Variants in COL9A1 observed in about 807,000 individuals in gnomAD.
COL9A1 encodes collagen alpha-1(IX) chain.
A neutral mutation model predicts 142.6 loss-of-function variants in COL9A1; 104 were observed. The observed-to-expected ratio is 0.73, with a 90% CI of 0.62 to 0.86. COL9A1 has a LOEUF of 0.86. Among genes scored for constraint, COL9A1 ranks in the 40% least tolerant of loss-of-function variants. The pLI, the probability that COL9A1 is intolerant of heterozygous loss-of-function variation, is 0.00. For missense variants in COL9A1, 1,210 were observed against 1,176.6 expected (o/e 1.03, Z -0.42); for synonymous variants, 466 against 396.0 (o/e 1.18, Z -2.10).
At chr6:70,241,542 C>G (rs1770260243) in intron 30 of COL9A1, 88 bp from the exon 31 acceptor site, 9 of 1,076,038 alleles carry the variant, frequency 8.4e-6, no homozygotes, top group African/African-American at 1.6e-5. Context: ...TGGATAAGCA[C>G]AAGTACGGAT....
chr6:70,297,805 T>C (rs116854269), intron 4 of COL9A1, among the ~76,000 whole-genome samples: 397 of 152,146 alleles, frequency 2.6e-3, no homozygotes, highest in Non-Finnish European at 4.1e-3. Flanking sequence ...CGTTTGTTAG[T>C]GGGAGTTGAG....
chr6:70,296,837 A>G (rs1459641870), intron 4 of COL9A1, among the ~76,000 whole-genome samples: 1 of 152,074 alleles, frequency 6.6e-6, no homozygotes, highest in Non-Finnish European at 1.5e-5. Flanking sequence ...TAAATAATTT[A>G]TTTTATTTTT....
intron 37 of COL9A1, among the ~76,000 whole-genome samples, chr6:70,219,948 A>C (rs1364303352): frequency 2.0e-5 from 3 of 152,210 alleles, no homozygotes; most frequent in Non-Finnish European, 4.4e-5. Context: ...GTTCCCCATC[A>C]ACACACTTCA....
At chr6:70,264,629 G>T (rs1269850872) in intron 18 of COL9A1, among the ~76,000 whole-genome samples, 1 of 151,738 alleles carries the variant, frequency 6.6e-6, no homozygotes, top group Non-Finnish European at 1.5e-5. Context: ...CAAGGTACAG[G>T]GTATTTTCCA....
chr6:70,216,845 G>A lies in COL9A1; in HGVS notation c.*52C>T, dbSNP rs1221606818. The A allele has an allele frequency of 6.3e-7, 1 of 1,596,208 alleles. No homozygotes were observed. Among genetic ancestry groups the A allele is most frequent in the Non-Finnish European group, 8.6e-7 (1 of 1,165,512 alleles). On this transcript the variant is annotated 3_prime_UTR_variant, in exon 38 of 38. Coordinates refer to ENST00000357250, the MANE Select transcript of COL9A1 (RefSeq NM_001851.6). ...AGCTTTGGATGGTGTTTCTCACCCA[G>A]GCTCCTTCACCAGGCGTGGTTCATG... is the stretch of plus-strand genomic sequence containing the variant.
At chr6:70,220,376 A>G (rs28694097) in intron 37 of COL9A1, among the ~76,000 whole-genome samples, 16,379 of 130,314 alleles carry the variant, frequency 0.13, 1,464 homozygotes, top group African/African-American at 0.28. Context: ...AAGGGTGTGG[A>G]GGGGTGTGGC....
At chr6:70,280,918 G>T in intron 9 of COL9A1, 44 bp from the exon 10 acceptor site, 1 of 1,613,102 alleles carries the variant, frequency 6.2e-7, no homozygotes, top group South Asian at 1.1e-5. Context: ...AGAAAAAGGT[G>T]CAAAGTTGAG....
intron 17 of COL9A1, among the ~76,000 whole-genome samples, chr6:70,267,327 G>GGTTTTTTT (rs757813161): frequency 7.9e-6 from 1 of 127,060 alleles, no homozygotes; most frequent in African/African-American, 3.0e-5. Context: ...TGGTTTTTTT[G>GGTTTTTTT]TTTTTTTTTT....
chr6:70,229,582 A>G (rs945079059), intron 36 of COL9A1, among the ~76,000 whole-genome samples: 1 of 152,178 alleles, frequency 6.6e-6, no homozygotes, highest in Non-Finnish European at 1.5e-5. Flanking sequence ...TCAAACCTTC[A>G]TTTACATATT....
At chr6:70,283,526 T>C (rs540481115) in intron 6 of COL9A1, among the ~76,000 whole-genome samples, 1 of 152,186 alleles carries the variant, frequency 6.6e-6, no homozygotes, top group Non-Finnish European at 1.5e-5. Context: ...GGTTTCTACC[T>C]GCCAGGCTGC....
In COL9A1 at chr6:70,254,517, T is replaced by C. The variant is rs1425321862; in HGVS notation, c.1678A>G (p.Lys560Glu). The C allele has an allele frequency of 1.2e-6, 2 of 1,614,004 alleles. No individual in the cohort carries two copies. Among genetic ancestry groups the C allele is most frequent in the East Asian group, 4.5e-5 (2 of 44,878 alleles). ...GMPGTKGEPG[K>E]PGPPGDAGLQ... ...CCTGCATCACCAGGAGGCCCAGGTTTTCCTGGTTCACCCTGCAAAAAAAGC... is the reference window on the plus strand; with the variant it reads ...CCTGCATCACCAGGAGGCCCAGGTTCTCCTGGTTCACCCTGCAAAAAAAGC... Residue 560 changes from lysine to glutamate, a missense_variant, in exon 25 of 38, where the codon AAA becomes GAA. Lys to Glu is a moderately conservative substitution (Grantham distance 56). Transcript: ENST00000357250.
At chr6:70,245,381 C>T (rs895421532) in intron 28 of COL9A1, among the ~76,000 whole-genome samples, 3 of 152,132 alleles carry the variant, frequency 2.0e-5, no homozygotes, top group South Asian at 2.1e-4. Flanking sequence ...TGAAGGTCAT[C>T]GCCAAGGTCT....
In COL9A1 at chr6:70,283,748, C is replaced by A; in HGVS notation, c.769G>T (p.Ala257Ser). 3 of 1,611,394 alleles carry A rather than the reference C, an allele frequency of 1.9e-6. No individual in the cohort carries two copies. Among genetic ancestry groups the A allele is most frequent in the Non-Finnish European group, 2.5e-6 (3 of 1,178,906 alleles). Residue 257 changes from alanine (A) to serine (S), a missense_variant, in exon 6 of 38, where the codon GCC (alanine) becomes TCC (serine). Transcript: ENST00000357250. ...GTCAGGGGACTCACCGTTATTCTGGCTGGCAGCTCATGGCAAGTTTCTCTC... is the reference window on the plus strand; with the variant it reads ...GTCAGGGGACTCACCGTTATTCTGGATGGCAGCTCATGGCAAGTTTCTCTC... ...PRRETCHELP[A>S]RITPSQTTDE...
chr6:70,284,864 C>G (rs1773386962), intron 5 of COL9A1, among the ~76,000 whole-genome samples: 1 of 152,178 alleles, frequency 6.6e-6, no homozygotes, highest in Non-Finnish European at 1.5e-5. Context: ...GTCATCCCAC[C>G]TGCCAAATGG....
intron 7 of COL9A1, among the ~76,000 whole-genome samples, chr6:70,282,021 A>G (rs1423347502): frequency 6.6e-6 from 1 of 151,940 alleles, no homozygotes; most frequent in East Asian, 1.9e-4. Context: ...CTGCAGTGAC[A>G]CTCCCTCAGT....
At chr6:70,235,040 A>C (rs1211612836) in intron 33 of COL9A1, 100 bp from the exon 34 acceptor site, 3 of 1,430,578 alleles carry the variant, frequency 2.1e-6, no homozygotes, top group Non-Finnish European at 2.9e-6. Context: ...GGTTTCCTGC[A>C]CTCTGCATCC....
Position 70,294,431 on chromosome 6 carries a change from T to C in COL9A1, c.432A>G (p.Ile144Met), listed in dbSNP as rs755730412. The change falls in exon 5 of 38, where the codon ATA becomes ATG. Residue 144 changes from isoleucine to methionine, a missense_variant. Physicochemically the swap from Ile to Met is conservative, Grantham distance 10. Transcript: ENST00000357250. ...QDSSGKEQVG[I>M]KINGQTQSVV... ...CAGATTGTGTTTGGCCATTAATCTT[T>C]ATGCCAACTTGCTCCTTCCCAGAGG... The C allele has an allele frequency of 3.7e-6, 6 of 1,614,036 alleles. No individual in the cohort carries two copies. The East Asian group carries it at 1.1e-4, about 30-fold the overall frequency.
intron 28 of COL9A1, among the ~76,000 whole-genome samples, chr6:70,251,830 T>C (rs1770964465): frequency 6.6e-6 from 1 of 152,222 alleles, no homozygotes; most frequent in Admixed American, 6.5e-5. Flanking sequence ...TTATATAGTA[T>C]GTGAATTGTA....
intron 17 of COL9A1, among the ~76,000 whole-genome samples, chr6:70,267,115 G>A (rs10806631): frequency 0.13 from 19,272 of 151,986 alleles, 1,537 homozygotes; most frequent in Non-Finnish European, 0.18. Flanking sequence ...CTCTAGTTCC[G>A]GTAACTTAAC....
Sources: gnomAD v4.1 joint callset for allele counts (sites outside exome capture counted in the v4.1 genomes callset) on GRCh38, gnomAD v4.1.1 for gene constraint, MANE v1.5 for transcripts, NCBI Gene and HGNC (gene_info 2026-07-23, HGNC 2026-07-21) for gene names.